Variants in AFF3 observed in about 807,000 individuals in gnomAD.
AFF3 encodes the protein ALF transcription elongation factor 3.
In AFF3, 32 loss-of-function variants were observed where a neutral mutation model predicts 129.7. The ratio of observed to expected loss-of-function variants is 0.25; its 90% CI spans 0.19 to 0.33. The LOEUF (loss-of-function observed/expected upper bound fraction) is 0.33, where lower values mean the gene tolerates loss of function less well. Among genes scored for constraint, AFF3 ranks in the 10% least tolerant of loss-of-function variants. The pLI, the probability that AFF3 is intolerant of heterozygous loss-of-function variation, is 1.00. For synonymous variants in AFF3, 644 were observed against 635.4 expected, an observed-to-expected ratio of 1.01 and a Z score of -0.20; for missense variants, 1,373 against 1,592.0, an observed-to-expected ratio of 0.86 and a Z score of 2.34.
intron 4 of AFF3, among the ~76,000 whole-genome samples, chr2:100,047,671 A>T (rs1685948422): frequency 6.6e-6 from 1 of 152,252 alleles, no homozygotes; most frequent in Non-Finnish European, 1.5e-5. Context: ...GCCAATGTTT[A>T]GGCAATGCAG....
At chr2:99,802,692 T>C (rs1299064993) in intron 8 of AFF3, among the ~76,000 whole-genome samples, 1 of 69,922 alleles carries the variant, frequency 1.4e-5, no homozygotes, top group Non-Finnish European at 2.8e-5. Context: ...TCCTAGGGTG[T>C]CTTTTTTTTT....
chr2:99,975,494 C>G (rs2104457909), intron 7 of AFF3, among the ~76,000 whole-genome samples: 1 of 152,278 alleles, frequency 6.6e-6, no homozygotes, highest in Middle Eastern at 3.4e-3. Context: ...ACTTGATACA[C>G]TGACAAGTCA....
At chr2:99,972,101 A>G (rs1290934672) in intron 7 of AFF3, among the ~76,000 whole-genome samples, 2 of 152,200 alleles carry the variant, frequency 1.3e-5, no homozygotes, top group Non-Finnish European at 2.9e-5. Flanking sequence ...GTTCTAAGAA[A>G]TCCACCAGGG....
intron 10 of AFF3, among the ~76,000 whole-genome samples, chr2:99,728,827 A>T (rs975939574): frequency 1.3e-5 from 2 of 152,222 alleles, no homozygotes; most frequent in Non-Finnish European, 2.9e-5. Context: ...TTTAAAGCTC[A>T]TTCTTGTATA....
At chr2:99,747,477 T>C (rs1267680906) in intron 9 of AFF3, among the ~76,000 whole-genome samples, 2 of 152,090 alleles carry the variant, frequency 1.3e-5, no homozygotes, top group African/African-American at 2.4e-5. Flanking sequence ...CGCGCCGCCA[T>C]GCCTAGCTGA....
chr2:99,846,957 T>C lies in AFF3; in HGVS notation c.874-9433A>G, dbSNP rs544989386. On this transcript the variant is annotated intron_variant, in intron 7 of 24. Transcript: ENST00000672756. ...TTTCTATGTATGCTCTCTGAGGTGATACGCTAGAAATAAATGCTGAATAAA... is the reference window on the plus strand; with the variant it reads ...TTTCTATGTATGCTCTCTGAGGTGACACGCTAGAAATAAATGCTGAATAAA... Among the ~76,000 whole-genome samples the C allele has an allele frequency of 2.0e-5, 3 of 152,252 alleles. No homozygotes were observed. The South Asian group carries it at 6.2e-4, about 32-fold the overall frequency.
chr2:99,851,359 C>T (rs1046804673), intron 7 of AFF3, among the ~76,000 whole-genome samples: 2 of 152,226 alleles, frequency 1.3e-5, no homozygotes, highest in African/African-American at 4.8e-5. Flanking sequence ...TTTATGTTCT[C>T]TTTCTGGTTT....
At chr2:99,744,866 C>T (rs1355700437) in intron 9 of AFF3, among the ~76,000 whole-genome samples, 1 of 151,950 alleles carries the variant, frequency 6.6e-6, no homozygotes, top group Non-Finnish European at 1.5e-5. Flanking sequence ...TACACTAGTT[C>T]GAGTCCATGT....
At chr2:99,947,645 TAGATAGATAGAC>T (rs1463632521) in intron 7 of AFF3, among the ~76,000 whole-genome samples, 24 of 134,576 alleles carry the variant, frequency 1.8e-4, no homozygotes, top group Non-Finnish European at 2.3e-4. Flanking sequence ...GATAGATAGA[TAGATAGATAGAC>T]AGACAGACAG....
At chr2:99,628,750 T>C (rs1426425786) in intron 13 of AFF3, among the ~76,000 whole-genome samples, 1 of 86,612 alleles carries the variant, frequency 1.2e-5, no homozygotes, top group Non-Finnish European at 2.2e-5. Flanking sequence ...AGACAGAGTC[T>C]TGTTCTGTTG....
chr2:99,870,253 C>A (rs1691773215), intron 7 of AFF3, among the ~76,000 whole-genome samples: 2 of 152,302 alleles, frequency 1.3e-5, no homozygotes, highest in South Asian at 4.1e-4. Flanking sequence ...CAGCCATAAG[C>A]CCCTAGACGT....
intron 7 of AFF3, among the ~76,000 whole-genome samples, chr2:99,984,774 C>T (rs1559033077): frequency 6.6e-6 from 1 of 151,988 alleles, no homozygotes; most frequent in East Asian, 1.9e-4. Context: ...ACTTAACAGC[C>T]CCCTCATTTG....
At chr2:99,634,473 G>C (rs1575561191) in intron 13 of AFF3, among the ~76,000 whole-genome samples, 1 of 152,164 alleles carries the variant, frequency 6.6e-6, no homozygotes, top group East Asian at 1.9e-4. Context: ...TTGAGGCAAG[G>C]GAGTTAGATG....
chr2:100,050,016 A>G (rs1686156641), intron 4 of AFF3, among the ~76,000 whole-genome samples: 1 of 152,160 alleles, frequency 6.6e-6, no homozygotes, highest in African/African-American at 2.4e-5. Flanking sequence ...GTTCAAGACC[A>G]GCCTGGCCAA....
chr2:99,985,931 T>C (rs1679815157), intron 7 of AFF3, among the ~76,000 whole-genome samples: 1 of 152,128 alleles, frequency 6.6e-6, no homozygotes, highest in Non-Finnish European at 1.5e-5. Flanking sequence ...CCAGGCGCAG[T>C]GGCTCACGCC....
At chr2:99,777,737 G>A (rs1203058019) in intron 8 of AFF3, among the ~76,000 whole-genome samples, 1 of 151,918 alleles carries the variant, frequency 6.6e-6, no homozygotes, top group Non-Finnish European at 1.5e-5. Context: ...CTATGAAAAT[G>A]CTCTGAAGTG....
intron 8 of AFF3, among the ~76,000 whole-genome samples, chr2:99,758,739 G>A (rs1045890593): frequency 6.6e-6 from 1 of 151,898 alleles, no homozygotes; most frequent in Non-Finnish European, 1.5e-5. Context: ...AATCTTTAAC[G>A]CAACAATTGC....
chr2:99,947,829 G>A (rs771228263), intron 7 of AFF3, among the ~76,000 whole-genome samples: 2 of 152,134 alleles, frequency 1.3e-5, no homozygotes, highest in Non-Finnish European at 2.9e-5. Context: ...CAGCTCAAGA[G>A]AGATGGAAAG....
At chr2:99,918,765 C>G (rs1234969910) in intron 7 of AFF3, among the ~76,000 whole-genome samples, 1 of 152,164 alleles carries the variant, frequency 6.6e-6, no homozygotes, top group Non-Finnish European at 1.5e-5. Flanking sequence ...AGCAGCCTCT[C>G]CAAATGCAAA....
Sources: allele counts gnomAD v4.1 joint callset (sites outside exome capture counted in the v4.1 genomes callset), GRCh38; gene constraint gnomAD v4.1.1; transcripts MANE v1.5; gene names NCBI Gene and HGNC (gene_info 2026-07-23, HGNC 2026-07-21).